Variants in GLB1 observed in about 807,000 individuals in gnomAD.
GLB1 encodes the protein galactosidase beta 1, also known as beta-galactosidase.
GLB1 carries 56 observed loss-of-function variants against 74.0 expected under a neutral mutation model. That is an observed-to-expected ratio of 0.76 (90% CI 0.61 to 0.94). The LOEUF is 0.94. Ranked by LOEUF, GLB1 falls within the 40% of genes least tolerant of loss-of-function variation. The probability of loss-of-function intolerance (pLI) is 0.00; values close to 1 mark genes in which losing one functional copy is unlikely to be tolerated. For synonymous variants in GLB1, 323 were observed against 323.6 expected, an observed-to-expected ratio of 1.00 and a Z score of 0.02; for missense variants, 787 against 845.5, an observed-to-expected ratio of 0.93 and a Z score of 0.86.
chr3:33,059,750 C>G (rs181691513), intron 5 of GLB1, among the ~76,000 whole-genome samples: 104 of 152,246 alleles, frequency 6.8e-4, no homozygotes, highest in Non-Finnish European at 1.2e-3. Flanking sequence ...GGTGTTCACA[C>G]CATAGTGATT....
At chr3:33,018,633 A>G (rs555368523) in intron 12 of GLB1, 72 bp from the exon 13 acceptor site, 131 of 1,491,822 alleles carry the variant, frequency 8.8e-5, no homozygotes, top group Non-Finnish European at 7.5e-5. Flanking sequence ...TACCCTAGAC[A>G]TGTATGAAAG....
At chr3:33,041,661 C>CAAA (rs58227885) in intron 10 of GLB1, among the ~76,000 whole-genome samples, 1 of 99,332 alleles carries the variant, frequency 1.0e-5, no homozygotes, top group African/African-American at 4.1e-5. Flanking sequence ...ACCCTGTCTT[C>CAAA]AAAAAAAAAA....
intron 11 of GLB1, 76 bp downstream of exon 11, chr3:33,024,175 T>C (rs1697630716): frequency 6.8e-7 from 1 of 1,479,900 alleles, no homozygotes; most frequent in Non-Finnish European, 9.2e-7. Context: ...CACAGCACTT[T>C]CACTCACTGC....
chr3:32,967,278 G>T, the GLB1 span, among the ~76,000 whole-genome samples: 1,070 of 152,272 alleles, frequency 7.0e-3, 19 homozygotes, highest in African/African-American at 0.024. Context: ...AGTTCAGCAG[G>T]TTGCAGGATA....
Position 33,021,584 on chromosome 3 carries a change from T to G in GLB1, c.1215A>C (p.Thr405=), listed in dbSNP as rs1159059066. The part of the protein sequence containing the change: ...SGPIKSLYPL[T]FIQVKQHYGF... The stretch of plus-strand genomic sequence containing the variant: ...GGCCTACCTGTTTCACCTGGATAAA[T>G]GTCAAGGGATAAAGGCTTTTGATGG... Residue 405 remains threonine (T), a synonymous_variant, in exon 12 of 16, where the codon ACA becomes ACC. Coordinates refer to ENST00000307363, the MANE Select transcript of GLB1 (RefSeq NM_000404.4). 1.9e-6 allele frequency: 3 copies of G among 1,613,976 alleles called. No homozygotes were observed. Among genetic ancestry groups the G allele is most frequent in the East Asian group, 2.2e-5 (1 of 44,874 alleles).
At chr3:33,011,545 T>G (rs1224532103) in intron 15 of GLB1, among the ~76,000 whole-genome samples, 1 of 148,370 alleles carries the variant, frequency 6.7e-6, no homozygotes, top group Non-Finnish European at 1.5e-5. Flanking sequence ...CTCTGGAGGC[T>G]GAGGCAGGAG....
intron 15 of GLB1, among the ~76,000 whole-genome samples, chr3:33,003,430 C>A (rs982384260): frequency 6.6e-6 from 1 of 152,204 alleles, no homozygotes; most frequent in Non-Finnish European, 1.5e-5. Context: ...TTGAAGAAGA[C>A]CTTCTTTCAC....
intron 15 of GLB1, among the ~76,000 whole-genome samples, chr3:33,013,736 G>A (rs989007336): frequency 9.9e-5 from 15 of 152,124 alleles, no homozygotes; most frequent in African/African-American, 3.6e-4. Context: ...CCACCTCTTT[G>A]TCTTGACTGG....
intron 1 of GLB1, chr3:33,091,318 T>C (rs1482557184): frequency 1.0e-6 from 1 of 985,474 alleles, no homozygotes; most frequent in Non-Finnish European, 1.2e-6. Flanking sequence ...AACCCCACTA[T>C]ACACCAGGAG....
chr3:33,022,564 A>AGTTTTTTTTTTTTTTTT, intron 11 of GLB1, among the ~76,000 whole-genome samples: 1 of 63,746 alleles, frequency 1.6e-5, no homozygotes, highest in Non-Finnish European at 2.9e-5. Context: ...ACTGGTTAGG[A>AGTTTTTTTTTTTTTTTT]TTTTTTTTTT....
Position 33,024,289 on chromosome 3 carries a change from T to C in GLB1, c.1105A>G (p.Thr369Ala). ...KVPEGPIPPS[T>A]PKFAYGKVTL... ...ACCTTTCCATATGCAAACTTTGGTG[T>C]AGATGGAGGGATAGGACCTTCTGGT... The change falls in exon 11 of 16, where the codon ACA becomes GCA. Residue 369 changes from threonine (T) to alanine (A), a missense_variant. Transcript: ENST00000307363. The C allele has an allele frequency of 6.2e-7, 1 of 1,613,420 alleles. No individual in the cohort carries two copies. Among genetic ancestry groups the C allele is most frequent in the Non-Finnish European group, 8.5e-7 (1 of 1,179,976 alleles).
intron 1 of GLB1, among the ~76,000 whole-genome samples, chr3:33,088,854 TGAAA>T (rs1700637156): frequency 6.6e-6 from 1 of 152,266 alleles, no homozygotes; most frequent in South Asian, 2.1e-4. Flanking sequence ...AGAGCAAAGT[TGAAA>T]GACTCATACC....
At chr3:33,006,419 C>G (rs1044884943) in intron 15 of GLB1, among the ~76,000 whole-genome samples, 3 of 149,874 alleles carry the variant, frequency 2.0e-5, no homozygotes, top group Admixed American at 2.0e-4. Flanking sequence ...ACCATTTCCA[C>G]CCCCCCACCC....
intron 15 of GLB1, among the ~76,000 whole-genome samples, chr3:33,003,759 G>C (rs924353772): frequency 6.6e-5 from 10 of 152,198 alleles, no homozygotes; most frequent in African/African-American, 2.4e-4. Flanking sequence ...TCTGGGCATG[G>C]TGGCTCACTC....
At chr3:33,040,425 T>C (rs1698450263) in intron 10 of GLB1, among the ~76,000 whole-genome samples, 1 of 151,494 alleles carries the variant, frequency 6.6e-6, no homozygotes, top group South Asian at 2.1e-4. Context: ...GGCAACATAG[T>C]GAGACCCTGG....
intron 1 of GLB1, among the ~76,000 whole-genome samples, chr3:33,083,734 T>C (rs1174388394): frequency 6.6e-6 from 1 of 152,080 alleles, no homozygotes; most frequent in East Asian, 1.9e-4. Flanking sequence ...AACCCAGCAG[T>C]ACAAACAAAA....
intron 4 of GLB1, among the ~76,000 whole-genome samples, chr3:33,067,883 TTTTG>T (rs914176826): frequency 1.5e-4 from 23 of 152,238 alleles, no homozygotes; most frequent in East Asian, 9.7e-4. Context: ...GTTGAAGCTT[TTTTG>T]TTTGTTTGTT....
chr3:32,985,448 T>A, the GLB1 span, among the ~76,000 whole-genome samples: 1 of 151,002 alleles, frequency 6.6e-6, no homozygotes, highest in East Asian at 2.0e-4. Context: ...CTGTCACCAC[T>A]CCCAGCTAAT....
Position 33,027,408 on chromosome 3 carries a change from T to C in GLB1, c.1069-3083A>G, listed in dbSNP as rs181408586. ...ATCCAGGCAGGAAGCATGAACCGAG[T>C]GCAGCCTGCCAGGCCGAGTGGGCAG... On this transcript the variant is annotated intron_variant, in intron 10 of 15. Coordinates refer to ENST00000307363, the MANE Select transcript of GLB1 (RefSeq NM_000404.4). 7.4e-3 allele frequency among the ~76,000 whole-genome samples: 1,126 copies of C among 152,206 alleles called. 18 individuals carry two copies. The highest frequency in any genetic ancestry group is 0.026 in the African/African-American group (1,083 of 41,532).
Sources: allele counts gnomAD v4.1 joint callset (sites outside exome capture counted in the v4.1 genomes callset), GRCh38; gene constraint gnomAD v4.1.1; transcripts MANE v1.5; gene names NCBI Gene and HGNC (gene_info 2026-07-23, HGNC 2026-07-21).